PID1: variants seen among roughly 807,000 people sequenced by gnomAD.
PID1 encodes phosphotyrosine interaction domain containing 1, also known as PTB-containing, cubilin and LRP1-interacting protein.
A neutral mutation model predicts 19.1 loss-of-function variants in PID1; 10 were observed. The observed-to-expected ratio is 0.52, with a 90% CI of 0.32 to 0.89. PID1 has a LOEUF of 0.89. Ranked by LOEUF, PID1 falls within the 40% of genes least tolerant of loss-of-function variation. The probability of loss-of-function intolerance (pLI) is 0.03; values close to 1 mark genes in which losing one functional copy is unlikely to be tolerated. For missense variants in PID1, 248 were observed against 285.3 expected (o/e 0.87, Z 0.94); for synonymous variants, 130 against 116.0 (o/e 1.12, Z -0.78).
At chr2:229,031,990 T>C (rs561758001) in intron 2 of PID1, among the ~76,000 whole-genome samples, 36 of 152,322 alleles carry the variant, frequency 2.4e-4, no homozygotes, top group Non-Finnish European at 4.4e-4. Context: ...GTATACGGTT[T>C]AATAGAAATG....
chr2:229,185,068 A>G (rs1344526125), intron 1 of PID1, among the ~76,000 whole-genome samples: 1 of 6,336 alleles, frequency 1.6e-4, no homozygotes, highest in Non-Finnish European at 3.1e-4. Flanking sequence ...TATCCTCCAT[A>G]TATATATATC....
At chr2:229,250,211 T>G (rs1011050502) in intron 1 of PID1, among the ~76,000 whole-genome samples, 1 of 152,198 alleles carries the variant, frequency 6.6e-6, no homozygotes, top group African/African-American at 2.4e-5. Context: ...TTTTCCCAAA[T>G]AGAAAATTAT....
At chr2:229,092,217 GT>G (rs1219888317) in intron 2 of PID1, among the ~76,000 whole-genome samples, 2 of 112,060 alleles carry the variant, frequency 1.8e-5, no homozygotes, top group East Asian at 4.3e-4. Context: ...CATTTCTTTA[GT>G]GCCTGGTCAT....
At chr2:229,141,556 A>T (rs1382699281) in intron 2 of PID1, among the ~76,000 whole-genome samples, 1 of 152,126 alleles carries the variant, frequency 6.6e-6, no homozygotes, top group Non-Finnish European at 1.5e-5. Flanking sequence ...TATTGCAGGC[A>T]TACTAGGTGG....
At chr2:229,092,262 G>A (rs1177345158) in intron 2 of PID1, among the ~76,000 whole-genome samples, 1 of 152,112 alleles carries the variant, frequency 6.6e-6, no homozygotes, top group Non-Finnish European at 1.5e-5. Context: ...GTGGTACAAA[G>A]GTGGAAAGAC....
chr2:229,192,980 T>C (rs1691295115), intron 1 of PID1, among the ~76,000 whole-genome samples: 1 of 152,206 alleles, frequency 6.6e-6, no homozygotes, highest in African/African-American at 2.4e-5. Context: ...CATATCCAAA[T>C]GGCACTTCAG....
At chr2:229,187,316 C>A (rs377512531) in intron 1 of PID1, among the ~76,000 whole-genome samples, 1 of 152,124 alleles carries the variant, frequency 6.6e-6, no homozygotes, top group African/African-American at 2.4e-5. Flanking sequence ...CTGTATTAGT[C>A]CATTTTCACA....
At chr2:229,106,004 G>C (rs904626723) in intron 2 of PID1, among the ~76,000 whole-genome samples, 1 of 149,982 alleles carries the variant, frequency 6.7e-6, no homozygotes, top group Non-Finnish European at 1.5e-5. Context: ...GAGTGAACCC[G>C]GGAGGTGGAG....
In PID1 at chr2:229,103,571, A is replaced by ATT. The variant is rs60510809; in HGVS notation, c.177+52245_177+52246dup. Among the ~76,000 whole-genome samples the ATT allele has an allele frequency of 2.6e-3, 195 of 76,186 alleles. 2 individuals carry two copies. Among genetic ancestry groups the ATT allele is most frequent in the African/African-American group, 6.0e-3 (119 of 19,994 alleles). 50.0% of individuals were successfully genotyped at this position (76,186 alleles called of 152,430 possible). A position where few individuals can be genotyped will look rare whatever the true frequency, so the allele number is the denominator to read the frequency against. ...AGACTGCCTAGACTTATATGCTGGAATTTTTTTTTTTTTTTTTTTTTTTTG... is the reference window on the plus strand; with the variant it reads ...AGACTGCCTAGACTTATATGCTGGAATTTTTTTTTTTTTTTTTTTTTTTTTTG... On this transcript the variant is annotated intron_variant, in intron 2 of 2. Coordinates refer to ENST00000392055, the MANE Select transcript of PID1 (RefSeq NM_001100818.2).
At chr2:229,197,711 A>C (rs1402578600) in intron 1 of PID1, among the ~76,000 whole-genome samples, 4 of 152,052 alleles carry the variant, frequency 2.6e-5, no homozygotes, top group African/African-American at 9.7e-5. Context: ...AGGTCAAAGC[A>C]ATATAATCCC....
chr2:229,164,468 T>C (rs1331584561), intron 1 of PID1, among the ~76,000 whole-genome samples: 1 of 152,168 alleles, frequency 6.6e-6, no homozygotes, highest in Non-Finnish European at 1.5e-5. Context: ...GGATGGGACA[T>C]GAACAAGTAC....
rs139151237 is a variant in PID1 at position 229,112,987 on chromosome 2, A to G, written c.177+42831T>C. Reference sequence around the variant, plus strand: ...TCATACCAAGGCCCTATCTCTATCTATCTCACAGAAATTCAGTAACGTATG... The same window carrying G: ...TCATACCAAGGCCCTATCTCTATCTGTCTCACAGAAATTCAGTAACGTATG... On this transcript the variant is annotated intron_variant, in intron 2 of 2. Transcript: ENST00000392055. 3.0e-3 allele frequency among the ~76,000 whole-genome samples: 459 copies of G among 152,198 alleles called. 12 individuals are homozygous for G. The highest frequency in any genetic ancestry group is 9.7e-4 in the Non-Finnish European group (66 of 68,010).
intron 2 of PID1, among the ~76,000 whole-genome samples, chr2:229,142,195 C>G (rs1690030113): frequency 6.6e-6 from 1 of 151,878 alleles, no homozygotes; most frequent in Non-Finnish European, 1.5e-5. Flanking sequence ...AGTACTGCTC[C>G]CACAAAAAAG....
chr2:229,104,723 G>A (rs1363220776), intron 2 of PID1, among the ~76,000 whole-genome samples: 3 of 152,130 alleles, frequency 2.0e-5, no homozygotes, highest in Admixed American at 6.5e-5. Context: ...TGACTCTATC[G>A]CTTCTGAACT....
At chr2:229,073,675 TAAACATTATTACAGATCCA>T (rs1330970344) in intron 2 of PID1, among the ~76,000 whole-genome samples, 1 of 152,170 alleles carries the variant, frequency 6.6e-6, no homozygotes, top group Non-Finnish European at 1.5e-5. Context: ...AAGAAATCAG[TAAACATTATTACAGATCCA>T]AACAAACCTT....
chr2:229,158,808 C>T (rs1690433940), intron 1 of PID1, among the ~76,000 whole-genome samples: 1 of 152,060 alleles, frequency 6.6e-6, no homozygotes, highest in Non-Finnish European at 1.5e-5. Context: ...CATTATGTTA[C>T]ATGAAATAAG....
At position 229,271,027 on chromosome 2, in the gene PID1, G is replaced by A; in HGVS notation, c.17C>T (p.Thr6Met). The change falls in exon 1 of 3, where the codon ACG becomes ATG. Residue 6 changes from threonine (T) to methionine (M), a missense_variant. Transcript: ENST00000392055. Reference sequence around the variant, plus strand: ...GGTGCCCCTTACCTGCAGGCGCTCCGTGGCCGGCTGCCACATCTTCCAGCC... The same window carrying A: ...GGTGCCCCTTACCTGCAGGCGCTCCATGGCCGGCTGCCACATCTTCCAGCC... Reference protein sequence around the residue: MWQPATERLQHFQTML... With the variant: MWQPAMERLQHFQTML... The A allele has an allele frequency of 1.9e-6, 3 of 1,542,950 alleles. No individual in the cohort carries two copies. Among genetic ancestry groups the A allele is most frequent in the Non-Finnish European group, 2.6e-6 (3 of 1,144,074 alleles).
chr2:229,080,146 G>T (rs1224914597), intron 2 of PID1, among the ~76,000 whole-genome samples: 1 of 152,166 alleles, frequency 6.6e-6, no homozygotes, highest in African/African-American at 2.4e-5. Flanking sequence ...GGTAAAACTT[G>T]TCTTCCATGG....
chr2:229,024,815 C>G lies in PID1; in HGVS notation c.*817G>C, dbSNP rs1693374598. 1 of 152,444 alleles carries G rather than the reference C, an allele frequency of 6.6e-6. No individual in the cohort carries two copies. Among genetic ancestry groups the G allele is most frequent in the African/African-American group, 2.4e-5 (1 of 41,402 alleles). 9.4% of individuals were successfully genotyped at this position (152,444 alleles called of 1,614,324 possible). A position where few individuals can be genotyped will look rare whatever the true frequency, so the allele number is the denominator to read the frequency against. On this transcript the variant is annotated 3_prime_UTR_variant, in exon 3 of 3. Transcript: ENST00000392055. ...GTTGTTGGGGTTGTTGTTTTAAACT[C>G]CTGGTTTGTTTGACTGTTTATTTTA... is the stretch of plus-strand genomic sequence containing the variant.
Sources: allele counts gnomAD v4.1 joint callset (sites outside exome capture counted in the v4.1 genomes callset), GRCh38; gene constraint gnomAD v4.1.1; transcripts MANE v1.5; gene names NCBI Gene and HGNC (gene_info 2026-07-23, HGNC 2026-07-21).